The following KCNQ1 variants were observed in gnomAD, a reference collection of about 807,000 sequenced individuals.
KCNQ1 encodes the protein potassium voltage-gated channel subfamily KQT member 1.
KCNQ1 carries 49 observed loss-of-function variants against 72.4 expected under a neutral mutation model. That is an observed-to-expected ratio of 0.68 (90% CI 0.54 to 0.86). The LOEUF (loss-of-function observed/expected upper bound fraction) is 0.86. Ranked by LOEUF, KCNQ1 falls within the 40% of genes least tolerant of loss-of-function variation. The pLI is 0.00. For synonymous variants in KCNQ1, 450 were observed against 412.6 expected (o/e 1.09, Z -1.10); for missense variants, 790 against 945.1 (o/e 0.84, Z 2.15).
Position 2,516,286 on chromosome 11 carries a change from G to A in KCNQ1, c.387-11642G>A, listed in dbSNP as rs1009297462. Among the ~76,000 whole-genome samples the A allele has an allele frequency of 6.6e-6, 1 of 152,056 alleles. No homozygotes were observed. Among genetic ancestry groups the A allele is most frequent in the African/African-American group, 2.4e-5 (1 of 41,408 alleles). On this transcript the variant is annotated intron_variant, in intron 1 of 15. Transcript: ENST00000155840. The surrounding 1 kb of genome is among the most constrained non-coding windows in gnomAD (Gnocchi z 7.0). The stretch of plus-strand genomic sequence containing the variant: ...AACAAAGGATGGGTCCACTTCTCAG[G>A]CTTCTCATGAAGTTTAGAGGCGACA...
At chr11:2,540,711 C>T (rs1376505582) in intron 2 of KCNQ1, among the ~76,000 whole-genome samples, 1 of 152,328 alleles carries the variant, frequency 6.6e-6, no homozygotes, top group South Asian at 2.1e-4. Flanking sequence ...TGGGAAGGTG[C>T]GTTCTGGTCC....
At position 2,663,166 on chromosome 11, in the gene KCNQ1, A is replaced by G. The variant is rs1245359978; in HGVS notation, c.1514+1085A>G. On this transcript the variant is annotated intron_variant, in intron 11 of 15. Transcript: ENST00000155840. The surrounding 1 kb of genome is among the most constrained non-coding windows in gnomAD (Gnocchi z 5.2). ...GCCCACTGTCTTTCCAGGCCCCCCC[A>G]GTTCACAGAGAGGTTGGCAGTACCT... 5.0e-6 allele frequency: 2 copies of G among 398,744 alleles called. No homozygotes were observed. The highest frequency in any genetic ancestry group is 8.8e-6 in the Non-Finnish European group (2 of 226,172). The allele number at this position is 398,744 out of a possible 1,614,324, so 24.7% of individuals were successfully genotyped here. A position where few individuals can be genotyped will look rare whatever the true frequency, so the allele number is the denominator to read the frequency against.
rs1848684736 is a variant in KCNQ1, at chr11:2,592,593, A to G, written c.1393+3739A>G. 6.6e-6 allele frequency among the ~76,000 whole-genome samples: 1 copy of G among 152,226 alleles called. No homozygotes were observed. Among genetic ancestry groups the G allele is most frequent in the African/African-American group, 2.4e-5 (1 of 41,468 alleles). ...GCCAGCCTAGCCCTAGAGTCTTTGC[A>G]GTGAAGCGTCACAGACTCCTCATGA... On this transcript the variant is annotated intron_variant, in intron 10 of 15. Transcript: ENST00000155840. The surrounding 1 kb of genome is among the most constrained non-coding windows in gnomAD (Gnocchi z 5.2).
rs1232559994 is a variant in KCNQ1 at position 2,710,814 on chromosome 11, C to T, written c.1514+48733C>T. ...ATATGAAGGTTTATTTCTGGATTCT[C>T]AATTTTATTCTATTGATTTGTTTGT... On this transcript the variant is annotated intron_variant, in intron 11 of 15. Coordinates refer to ENST00000155840, the MANE Select transcript of KCNQ1 (RefSeq NM_000218.3). This position sits in a 1 kb window ranked among gnomAD's most constrained non-coding sequence, Gnocchi z 4.1. Among the ~76,000 whole-genome samples, 1 of 152,198 alleles carries T rather than the reference C, an allele frequency of 6.6e-6. No homozygotes were observed. Among genetic ancestry groups the T allele is most frequent in the Non-Finnish European group, 1.5e-5 (1 of 68,032 alleles).
chr11:2,632,928 A>G, intron 10 of KCNQ1: 1 of 398,482 alleles, frequency 2.5e-6, no homozygotes, highest in Non-Finnish European at 4.4e-6. Context: ...CCTTTGAGTC[A>G]ATACCCGGTA....
rs576070616 is a variant in KCNQ1 at position 2,708,247 on chromosome 11, C to G, written c.1514+46166C>G. On this transcript the variant is annotated intron_variant, in intron 11 of 15. Coordinates refer to ENST00000155840, the MANE Select transcript of KCNQ1 (RefSeq NM_000218.3). ...ACTTCTTCAGCAGCCGCTTTGGAGA[C>G]TTGACTTTGACACTCTTCTCAACAG... Among the ~76,000 whole-genome samples, 24 of 152,312 alleles carry G rather than the reference C, an allele frequency of 1.6e-4. No individual in the cohort carries two copies. In the South Asian group the frequency reaches 5.0e-3, roughly 32 times the overall value.
intron 11 of KCNQ1, among the ~76,000 whole-genome samples, chr11:2,701,592 C>T (rs231842): frequency 0.63 from 95,679 of 152,118 alleles, 31,859 homozygotes; most frequent in East Asian, 0.99. Context: ...TTGATAGTTA[C>T]TATCTTTGAA....
At position 2,445,285 on chromosome 11, in the gene KCNQ1, C is replaced by A. The variant is rs1280717988; in HGVS notation, c.187C>A (p.Pro63Thr). The change falls in exon 1 of 16, where the codon CCC becomes ACC. Residue 63 changes from proline to threonine, a missense_variant. Transcript: ENST00000155840. ...CGCGCCCGGCGCCCCAGGTCCCGCG[C>A]CCCCTGCGTCCCCGGCCGCGCCCGC... is the stretch of plus-strand genomic sequence containing the variant. ...PIAPGAPGPA[P>T]PASPAAPAAP... The A allele has an allele frequency of 1.1e-5, 15 of 1,330,620 alleles. No homozygotes were observed. The East Asian group carries it at 4.4e-4, about 39-fold the overall frequency. The allele number at this position is 1,330,620 out of a possible 1,614,324, so 82.4% of individuals were successfully genotyped here. A position where few individuals can be genotyped will look rare whatever the true frequency, so the allele number is the denominator to read the frequency against.
intron 10 of KCNQ1, chr11:2,619,929 A>G (rs1443514299): frequency 5.1e-6 from 2 of 395,148 alleles, no homozygotes; most frequent in African/African-American, 2.1e-5. Context: ...AGTATACTGC[A>G]TGATGATGAG....
intron 8 of KCNQ1, among the ~76,000 whole-genome samples, chr11:2,586,526 C>T (rs961056951): frequency 6.6e-6 from 1 of 152,180 alleles, no homozygotes; most frequent in Non-Finnish European, 1.5e-5. Context: ...AAAGGGGTTC[C>T]CTCGGAAGCT....
chr11:2,575,955 C>T (rs954098323), intron 6 of KCNQ1, among the ~76,000 whole-genome samples: 3 of 152,234 alleles, frequency 2.0e-5, no homozygotes, highest in African/African-American at 7.2e-5. Flanking sequence ...TTCCTCTCCT[C>T]TCCCCGTGGC....
At position 2,803,429 on chromosome 11, in the gene KCNQ1, C is replaced by T. The variant is rs1847311494; in HGVS notation, c.1794+25392C>T. ...TATTCCCTCCAGACCACGGTGCCTTCTGGGCTCTGGAGAATGCACCTGTGT... is the reference window on the plus strand; with the variant it reads ...TATTCCCTCCAGACCACGGTGCCTTTTGGGCTCTGGAGAATGCACCTGTGT... On this transcript the variant is annotated intron_variant, in intron 15 of 15. Coordinates refer to ENST00000155840, the MANE Select transcript of KCNQ1 (RefSeq NM_000218.3). The surrounding 1 kb of genome is among the most constrained non-coding windows in gnomAD (Gnocchi z 6.4). Among the ~76,000 whole-genome samples the T allele has an allele frequency of 6.6e-6, 1 of 152,186 alleles. No individual in the cohort carries two copies. The highest frequency in any genetic ancestry group is 1.5e-5 in the Non-Finnish European group (1 of 68,024).
Position 2,682,761 on chromosome 11 carries a change from T to A in KCNQ1, c.1514+20680T>A, listed in dbSNP as rs751683073. Reference sequence around the variant, plus strand: ...TGAGCCCACTCATCTCTGTTGACATTCTAGAAATGCAGGGAAATCTGGGCA... The same window carrying A: ...TGAGCCCACTCATCTCTGTTGACATACTAGAAATGCAGGGAAATCTGGGCA... On this transcript the variant is annotated intron_variant, in intron 11 of 15. Coordinates refer to ENST00000155840, the MANE Select transcript of KCNQ1 (RefSeq NM_000218.3). This position sits in a 1 kb window ranked among gnomAD's most constrained non-coding sequence, Gnocchi z 5.8. The A allele has an allele frequency of 4.0e-5, 16 of 398,520 alleles. No homozygotes were observed. Among genetic ancestry groups the A allele is most frequent in the African/African-American group, 6.2e-5 (3 of 48,614 alleles). The allele number at this position is 398,520 out of a possible 1,614,324, so 24.7% of individuals were successfully genotyped here.
intron 10 of KCNQ1, among the ~76,000 whole-genome samples, chr11:2,607,589 C>G (rs1354742406): frequency 6.6e-6 from 1 of 152,138 alleles, no homozygotes. Flanking sequence ...TCTCCAGATG[C>G]TGAATCTGCC....
At chr11:2,527,800 T>C in intron 1 of KCNQ1, 128 bp from the exon 2 acceptor site, 8 of 781,054 alleles carry the variant, frequency 1.0e-5, no homozygotes, top group Non-Finnish European at 1.8e-5. Flanking sequence ...AATGGATGAC[T>C]GGGTTTTCGA....
At chr11:2,790,612 C>G (rs1007362921) in intron 15 of KCNQ1, among the ~76,000 whole-genome samples, 1 of 152,260 alleles carries the variant, frequency 6.6e-6, no homozygotes, top group African/African-American at 2.4e-5. Flanking sequence ...GGTGCAAGCT[C>G]TGCCCCCTAC....
rs910441727 is a variant in KCNQ1 at position 2,674,968 on chromosome 11, C to A, written c.1514+12887C>A. On this transcript the variant is annotated intron_variant, in intron 11 of 15. Coordinates refer to ENST00000155840, the MANE Select transcript of KCNQ1 (RefSeq NM_000218.3). This position sits in a 1 kb window ranked among gnomAD's most constrained non-coding sequence, Gnocchi z 5.9. ...GGGGCTGACTGGAGCTGTTTCTCTT[C>A]GTTTCCTCTTACAGTGGCGGGCACT... is the stretch of plus-strand genomic sequence containing the variant. 1.8e-5 allele frequency: 7 copies of A among 397,592 alleles called. No individual in the cohort carries two copies. The highest frequency in any genetic ancestry group is 1.2e-4 in the African/African-American group (6 of 48,320). 24.6% of individuals were successfully genotyped at this position (397,592 alleles called of 1,614,324 possible).
At position 2,668,496 on chromosome 11, in the gene KCNQ1, G is replaced by C; in HGVS notation, c.1514+6415G>C. The C allele has an allele frequency of 2.5e-6, 1 of 398,618 alleles. No homozygotes were observed. Among genetic ancestry groups the C allele is most frequent in the Non-Finnish European group, 4.4e-6 (1 of 226,060 alleles). 24.7% of individuals were successfully genotyped at this position (398,618 alleles called of 1,614,324 possible). The stretch of plus-strand genomic sequence containing the variant: ...TTCCTTTTCAGCCATGATGGTGAAT[G>C]TCTAGCAGCATCAAATGGTGATTTT... On this transcript the variant is annotated intron_variant, in intron 11 of 15. Coordinates refer to ENST00000155840, the MANE Select transcript of KCNQ1 (RefSeq NM_000218.3). This position sits in a 1 kb window ranked among gnomAD's most constrained non-coding sequence, Gnocchi z 4.3.
intron 15 of KCNQ1, among the ~76,000 whole-genome samples, chr11:2,837,501 A>G (rs574728687): frequency 2.6e-5 from 4 of 152,340 alleles, no homozygotes; most frequent in Non-Finnish European, 5.9e-5. Context: ...ACCAAGGCCC[A>G]GGGTCTCCCA....
Sources: gnomAD v4.1 joint callset for allele counts (sites outside exome capture counted in the v4.1 genomes callset) on GRCh38, gnomAD v4.1.1 for gene constraint, Gnocchi (gnomAD v3.1) non-coding constraint, MANE v1.5 for transcripts, NCBI Gene and HGNC (gene_info 2026-07-23, HGNC 2026-07-21) for gene names.